The following LYRM4 variants were observed in gnomAD, a reference collection of about 807,000 sequenced individuals.
LYRM4 encodes LYR motif containing 4, also known as LYR motif-containing protein 4.
In LYRM4, 9 loss-of-function variants were observed where a neutral mutation model predicts 11.7. The observed-to-expected ratio is 0.77, with a 90% CI of 0.46 to 1.34. The LOEUF (loss-of-function observed/expected upper bound fraction) is 1.34, where lower values mean the gene tolerates loss of function less well. Among genes scored for constraint, LYRM4 ranks in the 40% most tolerant of loss-of-function variants. LYRM4 has a pLI of 0.00. For synonymous variants in LYRM4, 42 were observed against 40.4 expected (o/e 1.04, Z -0.15); for missense variants, 133 against 112.5 (o/e 1.18, Z -0.82).
downstream of LYRM4, among the ~76,000 whole-genome samples, chr6:5,100,799 C>A (rs763006407): frequency 2.8e-4 from 43 of 152,338 alleles, no homozygotes; most frequent in South Asian, 2.1e-4. Flanking sequence ...CAGTGAGGGG[C>A]AGTCCCCCTG....
chr6:5,129,403 T>C (rs1763842459), intron 2 of LYRM4, among the ~76,000 whole-genome samples: 1 of 152,204 alleles, frequency 6.6e-6, no homozygotes, highest in African/African-American at 2.4e-5. Flanking sequence ...CCCGAGGCTC[T>C]GGGGAAAATC....
At position 5,216,497 on chromosome 6, in the gene LYRM4, C is replaced by G; in HGVS notation, c.207+121G>C. The G allele has an allele frequency of 3.5e-6, 4 of 1,138,316 alleles. No individual in the cohort carries two copies. In the South Asian group the frequency reaches 5.2e-5, roughly 15 times the overall value. The allele number at this position is 1,138,316 out of a possible 1,614,324, so 70.5% of individuals were successfully genotyped here. On this transcript the variant is annotated intron_variant, in intron 2 of 2. Coordinates refer to ENST00000330636, the MANE Select transcript of LYRM4 (RefSeq NM_020408.6). ...TACATGTCTGTATTAGTACAAGGAA[C>G]AGAGTTTCATGATCCTGCTCTGTAA...
chr6:5,117,028 C>T (rs993854946), intron 2 of LYRM4, among the ~76,000 whole-genome samples: 3 of 152,156 alleles, frequency 2.0e-5, no homozygotes, highest in African/African-American at 7.2e-5. Flanking sequence ...GGCTGGAATC[C>T]CTACTCCTGC....
At chr6:5,138,835 T>G (rs1757254051) in intron 2 of LYRM4, 3 of 870,660 alleles carry the variant, frequency 3.4e-6, no homozygotes, top group Admixed American at 2.7e-5. Flanking sequence ...GTGCTAGAGG[T>G]GTTTAAGACA....
chr6:5,233,544 T>C (rs1190168854), intron 1 of LYRM4, among the ~76,000 whole-genome samples: 5 of 152,220 alleles, frequency 3.3e-5, no homozygotes, highest in Non-Finnish European at 5.9e-5. Context: ...ACCCAGCCAG[T>C]GCCTTCAACA....
At chr6:5,057,463 T>C in the LYRM4 span, among the ~76,000 whole-genome samples, 1 of 152,072 alleles carries the variant, frequency 6.6e-6, no homozygotes, top group Non-Finnish European at 1.5e-5. Context: ...ACGCCTGTAA[T>C]CCCAGCACTT....
chr6:5,245,163 T>TA (rs1554145199), intron 1 of LYRM4, among the ~76,000 whole-genome samples: 3 of 65,246 alleles, frequency 4.6e-5, no homozygotes, highest in African/African-American at 1.6e-4. Flanking sequence ...TATATATATA[T>TA]AAAATAGGTG....
chr6:5,121,541 C>G (rs1219182747), intron 2 of LYRM4, among the ~76,000 whole-genome samples: 3 of 152,212 alleles, frequency 2.0e-5, no homozygotes, highest in Non-Finnish European at 4.4e-5. Context: ...CATTGCACAA[C>G]AGAGGATCCC....
chr6:5,242,747 A>C (rs1185007295), intron 1 of LYRM4, among the ~76,000 whole-genome samples: 1 of 150,938 alleles, frequency 6.6e-6, no homozygotes, highest in African/African-American at 2.5e-5. Context: ...AACAACATGA[A>C]TATGACAGGA....
At chr6:5,207,937 G>C (rs1168294395) in intron 2 of LYRM4, among the ~76,000 whole-genome samples, 1 of 152,142 alleles carries the variant, frequency 6.6e-6, no homozygotes, top group African/African-American at 2.4e-5. Flanking sequence ...GTCTCCTTCT[G>C]TCAAGATAAG....
intron 1 of LYRM4, among the ~76,000 whole-genome samples, chr6:5,227,549 T>C (rs1361245119): frequency 6.6e-6 from 1 of 152,208 alleles, no homozygotes; most frequent in East Asian, 1.9e-4. Flanking sequence ...AGTTCAACCA[T>C]TGTGGAAATT....
the LYRM4 span, chr6:5,088,062 A>G: frequency 6.6e-6 from 1 of 152,112 alleles, no homozygotes; most frequent in Non-Finnish European, 1.5e-5. Context: ...GTGACCTAAG[A>G]ATAGTTTTTA....
chr6:5,251,811 G>A (rs1209737280), intron 1 of LYRM4, among the ~76,000 whole-genome samples: 7 of 152,116 alleles, frequency 4.6e-5, no homozygotes, highest in African/African-American at 9.7e-5. Flanking sequence ...TAAAAGATCC[G>A]CAACAAGGAA....
chr6:5,094,388 G>A, the LYRM4 span, among the ~76,000 whole-genome samples: 1 of 152,336 alleles, frequency 6.6e-6, no homozygotes, highest in East Asian at 1.9e-4. Flanking sequence ...GGAGGCTTAG[G>A]TAGGAGGATC....
chr6:5,247,161 C>T (rs1483808283), intron 1 of LYRM4, among the ~76,000 whole-genome samples: 1 of 151,842 alleles, frequency 6.6e-6, no homozygotes, highest in Admixed American at 6.5e-5. Flanking sequence ...GTTATACCCC[C>T]ATTGGGAATT....
chr6:5,056,028 G>T, the LYRM4 span, among the ~76,000 whole-genome samples: 476 of 149,986 alleles, frequency 3.2e-3, 2 homozygotes, highest in African/African-American at 9.9e-3. Context: ...TAGAGACAGG[G>T]TCTTGCTATG....
chr6:5,046,039 C>G, the LYRM4 span, among the ~76,000 whole-genome samples: 6 of 152,342 alleles, frequency 3.9e-5, no homozygotes, highest in Admixed American at 1.3e-4. Flanking sequence ...GCACATTCCC[C>G]TAGGCACAGG....
chr6:5,111,533 G>C (rs1210402973), intron 2 of LYRM4, among the ~76,000 whole-genome samples: 1 of 152,230 alleles, frequency 6.6e-6, no homozygotes, highest in South Asian at 2.1e-4. Context: ...AGAAAGTGAG[G>C]ATGGAGAAGG....
the LYRM4 span, among the ~76,000 whole-genome samples, chr6:5,047,794 G>A: frequency 6.6e-6 from 1 of 152,178 alleles, no homozygotes; most frequent in African/African-American, 2.4e-5. Context: ...CGGTATTAGT[G>A]TTAATACATA....
Sources: gnomAD v4.1 joint callset for allele counts (sites outside exome capture counted in the v4.1 genomes callset) on GRCh38, gnomAD v4.1.1 for gene constraint, MANE v1.5 for transcripts, NCBI Gene and HGNC (gene_info 2026-07-23, HGNC 2026-07-21) for gene names.